EXOC3: variants seen among roughly 807,000 people sequenced by gnomAD.
EXOC3 encodes SEC6-like 1.
In EXOC3, 21 loss-of-function variants were observed where a neutral mutation model predicts 73.7. The observed-to-expected ratio is 0.29, with a 90% confidence interval of 0.20 to 0.41. EXOC3 has a LOEUF of 0.41. Ranked by LOEUF, EXOC3 falls within the 10% of genes least tolerant of loss-of-function variation. The probability of loss-of-function intolerance (pLI) is 1.00; values close to 1 mark genes in which losing one functional copy is unlikely to be tolerated. For synonymous variants in EXOC3, 410 were observed against 389.1 expected, an observed-to-expected ratio of 1.05 and a Z score of -0.63; for missense variants, 842 against 985.1, an observed-to-expected ratio of 0.85 and a Z score of 1.95.
At chr5:452,559 C>G (rs1261195063) in intron 3 of EXOC3, among the ~76,000 whole-genome samples, 2 of 152,204 alleles carry the variant, frequency 1.3e-5, no homozygotes, top group Non-Finnish European at 2.9e-5. Context: ...ATGGGCCATA[C>G]TTTCTTCTTT....
In EXOC3 at chr5:462,286, G is replaced by A. The variant is rs1738012302; in HGVS notation, c.1632G>A (p.Glu544=). The change falls in exon 9 of 13, where the codon GAG becomes GAA. Residue 544 remains glutamate (E), a synonymous_variant. Coordinates refer to ENST00000512944, the MANE Select transcript of EXOC3 (RefSeq NM_007277.5). ...AGGAGGGCTGCAGCGGTTTGCTGGAGGAGGTCTTCCTGGACCTGGAGGTGG... is the reference window on the plus strand; with the variant it reads ...AGGAGGGCTGCAGCGGTTTGCTGGAAGAGGTCTTCCTGGACCTGGAGGTGG... ...IAKEGCSGLL[E]EVFLDLEQHL... 6.2e-7 allele frequency: 1 copy of A among 1,613,978 alleles called. No individual in the cohort carries two copies.
At chr5:462,332 C>A in intron 9 of EXOC3, 25 bp downstream of exon 9, 2 of 1,613,470 alleles carry the variant, frequency 1.2e-6, no homozygotes. Context: ...TTCCTCCTGC[C>A]GTTTTCTGGG....
intron 1 of EXOC3, among the ~76,000 whole-genome samples, chr5:445,435 C>T (rs1312133870): frequency 6.6e-6 from 1 of 151,744 alleles, no homozygotes; most frequent in Non-Finnish European, 1.5e-5. Flanking sequence ...CTGCAAGCTC[C>T]GCCTCCGGGG....
Position 446,163 on chromosome 5 carries a change from C to A in EXOC3, c.-43C>A. On this transcript the variant is annotated 5_prime_UTR_variant, in exon 2 of 13. Transcript: ENST00000512944. ...CAACTCCTGCAGTGCACAGAGAACACCCCTAGCATGAACAGTGTGAGGATT... is the reference window on the plus strand; with the variant it reads ...CAACTCCTGCAGTGCACAGAGAACAACCCTAGCATGAACAGTGTGAGGATT... 6.2e-7 allele frequency: 1 copy of A among 1,612,980 alleles called. No homozygotes were observed. Among genetic ancestry groups the A allele is most frequent in the Non-Finnish European group, 8.5e-7 (1 of 1,179,218 alleles).
intron 12 of EXOC3, 185 bp downstream of exon 12, chr5:466,030 C>A: frequency 1.8e-6 from 1 of 561,504 alleles, no homozygotes; most frequent in Non-Finnish European, 3.1e-6. Flanking sequence ...CTGCCTTCCA[C>A]CTGGCCTGGG....
chr5:447,976 A>C (rs1430075853), intron 3 of EXOC3, among the ~76,000 whole-genome samples: 1 of 152,246 alleles, frequency 6.6e-6, no homozygotes, highest in African/African-American at 2.4e-5. Flanking sequence ...ACAGAGGCCC[A>C]GAAGCGGGCT....
chr5:465,590 A>G (rs1390203409), intron 11 of EXOC3, 128 bp from the exon 12 acceptor site: 15 of 1,213,728 alleles, frequency 1.2e-5, no homozygotes, highest in African/African-American at 4.5e-5. Context: ...CTGAGCTTTC[A>G]GAGTAGATCC....
In EXOC3 at chr5:456,899, A is replaced by G. The variant is rs769997286; in HGVS notation, c.1057A>G (p.Met353Val). 2 of 1,613,570 alleles carry G rather than the reference A, an allele frequency of 1.2e-6. No homozygotes were observed. The change falls in exon 5 of 13, where the codon ATG (methionine) becomes GTG (valine). Residue 353 changes from methionine (M) to valine (V), a missense_variant. Coordinates refer to ENST00000512944, the MANE Select transcript of EXOC3 (RefSeq NM_007277.5). The part of the protein sequence containing the change: ...VLNTYTSTEM[M>V]RNVELAPEVD... ...CTGGTTCCCCCATAGTACTGAGATG[A>G]TGAGGAACGTGGAGCTGGCCCCGGA... is the stretch of plus-strand genomic sequence containing the variant.
chr5:446,409 C>T (rs1363485866), intron 2 of EXOC3, 60 bp downstream of exon 2: 35 of 1,463,742 alleles, frequency 2.4e-5, no homozygotes, highest in Non-Finnish European at 3.1e-5. Context: ...TGCTTGACAT[C>T]ACCATGATGA....
intron 7 of EXOC3, among the ~76,000 whole-genome samples, chr5:459,940 A>C (rs1448725771): frequency 6.6e-6 from 1 of 152,202 alleles, no homozygotes; most frequent in African/African-American, 2.4e-5. Flanking sequence ...AGTTTAAAAA[A>C]CTGTGTTCAC....
At chr5:449,613 G>T (rs548629281) in intron 3 of EXOC3, among the ~76,000 whole-genome samples, 2 of 152,254 alleles carry the variant, frequency 1.3e-5, no homozygotes, top group African/African-American at 4.8e-5. Flanking sequence ...CTATGCTGTG[G>T]TATTGTAGAA....
At chr5:451,622 T>C (rs1214123079) in intron 3 of EXOC3, among the ~76,000 whole-genome samples, 2 of 152,250 alleles carry the variant, frequency 1.3e-5, no homozygotes, top group African/African-American at 4.8e-5. Context: ...GATTTTACGA[T>C]TGTCCATGAA....
chr5:465,440 CAG>C (rs769112880), intron 11 of EXOC3, among the ~76,000 whole-genome samples, 168 bp downstream of exon 11: 45 of 152,358 alleles, frequency 3.0e-4, no homozygotes, highest in South Asian at 8.3e-4. Flanking sequence ...CGAATGTCCA[CAG>C]AGGTAGACGC....
chr5:467,045 C>A lies in EXOC3; in HGVS notation c.*147C>A. The A allele has an allele frequency of 1.2e-6, 1 of 843,272 alleles. No homozygotes were observed. Among genetic ancestry groups the A allele is most frequent in the Non-Finnish European group, 1.8e-6 (1 of 552,604 alleles). The allele number at this position is 843,272 out of a possible 1,614,324, so 52.2% of individuals were successfully genotyped here. A position where few individuals can be genotyped will look rare whatever the true frequency, so the allele number is the denominator to read the frequency against. On this transcript the variant is annotated 3_prime_UTR_variant, in exon 13 of 13. Transcript: ENST00000512944. ...GTGCCAGTGTGATGCACCGGGTGTG[C>A]GTCGAGTGAGCGTCCCGAGGCCACG...
At position 443,274 on chromosome 5, in the gene EXOC3, C is replaced by T; in HGVS notation, c.-73C>T. 1 of 126,440 alleles carries T rather than the reference C, an allele frequency of 7.9e-6. No individual in the cohort carries two copies. Among genetic ancestry groups the T allele is most frequent in the Non-Finnish European group, 1.7e-5 (1 of 60,474 alleles). 7.8% of individuals were successfully genotyped at this position (126,440 alleles called of 1,614,324 possible). A position where few individuals can be genotyped will look rare whatever the true frequency, so the allele number is the denominator to read the frequency against. ...GCGGCGGCGGCGGCGGCGGCGGCGG[C>T]GGCGTAGCCGTAGAGGGTGAGTCGG... On this transcript the variant is annotated 5_prime_UTR_variant, in exon 1 of 13. Transcript: ENST00000512944.
intron 7 of EXOC3, among the ~76,000 whole-genome samples, chr5:460,003 T>C (rs147177704): frequency 4.6e-5 from 7 of 152,280 alleles, no homozygotes; most frequent in Admixed American, 4.6e-4. Flanking sequence ...CCTAATCTGT[T>C]CTCCCCTGCC....
chr5:454,188 C>G (rs901370386), intron 4 of EXOC3, 137 bp downstream of exon 4: 21 of 682,482 alleles, frequency 3.1e-5, no homozygotes, highest in Admixed American at 2.3e-4. Context: ...TGGTTTCCAG[C>G]CCAGGGGTGT....
chr5:447,807 C>A, intron 3 of EXOC3, 55 bp downstream of exon 3: 1 of 1,263,836 alleles, frequency 7.9e-7, no homozygotes, highest in South Asian at 1.4e-5. Flanking sequence ...TTGCATGACT[C>A]ACTGAGTGCT....
At chr5:449,300 A>G (rs1029389681) in intron 3 of EXOC3, among the ~76,000 whole-genome samples, 8 of 152,202 alleles carry the variant, frequency 5.3e-5, no homozygotes, top group Non-Finnish European at 1.2e-4. Context: ...TCTAAAATGC[A>G]TATGTACAGT....
Sources: gnomAD v4.1 joint callset for allele counts (sites outside exome capture counted in the v4.1 genomes callset) on GRCh38, gnomAD v4.1.1 for gene constraint, MANE v1.5 for transcripts, NCBI Gene and HGNC (gene_info 2026-07-23, HGNC 2026-07-21) for gene names.